The following RORA variants were observed in gnomAD, a reference collection of about 807,000 sequenced individuals.
The protein encoded by RORA is RAR related orphan receptor A.
A neutral mutation model predicts 69.5 loss-of-function variants in RORA; 7 were observed. The observed-to-expected ratio is 0.10, with a 90% CI of 0.06 to 0.19. The LOEUF is 0.19. RORA is among the 10% of genes least tolerant of loss of function. The probability of loss-of-function intolerance (pLI) is 1.00; values close to 1 mark genes in which losing one functional copy is unlikely to be tolerated. For synonymous variants in RORA, 261 were observed against 240.8 expected, an observed-to-expected ratio of 1.08 and a Z score of -0.78; for missense variants, 457 against 663.0, an observed-to-expected ratio of 0.69 and a Z score of 3.41.
At chr15:60,885,239 C>G (rs2073738146) in intron 1 of RORA, among the ~76,000 whole-genome samples, 1 of 152,180 alleles carries the variant, frequency 6.6e-6, no homozygotes, top group Non-Finnish European at 1.5e-5. Flanking sequence ...ATCATGTTCT[C>G]TTGTAGCCCT....
chr15:61,206,456 C>A (rs2079942435), intron 1 of RORA, among the ~76,000 whole-genome samples: 1 of 152,168 alleles, frequency 6.6e-6, no homozygotes, highest in Non-Finnish European at 1.5e-5. Context: ...CGTGGACAAC[C>A]CCACGACATC....
intron 1 of RORA, among the ~76,000 whole-genome samples, chr15:60,984,594 TGTAA>T (rs916919078): frequency 1.3e-5 from 2 of 152,148 alleles, no homozygotes; most frequent in African/African-American, 4.8e-5. Flanking sequence ...AGGCACTGTC[TGTAA>T]TAACCAGTGC....
chr15:61,090,061 A>C (rs2078683078), intron 1 of RORA, among the ~76,000 whole-genome samples: 1 of 152,250 alleles, frequency 6.6e-6, no homozygotes, highest in African/African-American at 2.4e-5. Context: ...TTTGCCCAGA[A>C]GACTTTTCCT....
rs1350044471 is a variant in RORA at position 60,581,511 on chromosome 15, G to C, written c.197-49660C>G. Among the ~76,000 whole-genome samples, 4 of 152,328 alleles carry C rather than the reference G, an allele frequency of 2.6e-5. No individual in the cohort carries two copies. In the East Asian group the frequency reaches 7.7e-4, roughly 29 times the overall value. ...TTGTGTCTAGGGCAAACGTGGCTGTGAATGCAATGGAGGTACAATTTCTTA... is the reference window on the plus strand; with the variant it reads ...TTGTGTCTAGGGCAAACGTGGCTGTCAATGCAATGGAGGTACAATTTCTTA... On this transcript the variant is annotated intron_variant, in intron 2 of 10. Coordinates refer to ENST00000335670, the MANE Select transcript of RORA (RefSeq NM_134261.3).
At chr15:60,840,531 G>A (rs2073182197) in intron 1 of RORA, among the ~76,000 whole-genome samples, 1 of 152,258 alleles carries the variant, frequency 6.6e-6, no homozygotes, top group African/African-American at 2.4e-5. Flanking sequence ...GCTTGGCTCT[G>A]GGAAAGATGG....
intron 1 of RORA, among the ~76,000 whole-genome samples, chr15:61,202,697 T>C (rs1474854705): frequency 6.6e-6 from 1 of 151,970 alleles, no homozygotes; most frequent in East Asian, 1.9e-4. Context: ...TAAGAAAGAC[T>C]AGAAAAACTC....
chr15:60,505,848 C>G (rs57235653), intron 5 of RORA, among the ~76,000 whole-genome samples: 8,133 of 152,164 alleles, frequency 0.053, 749 homozygotes, highest in African/African-American at 0.19. Flanking sequence ...ATAAGACCTG[C>G]TGACTTCAAA....
At chr15:60,799,325 G>T (rs1335209066) in intron 1 of RORA, among the ~76,000 whole-genome samples, 1 of 152,168 alleles carries the variant, frequency 6.6e-6, no homozygotes, top group African/African-American at 2.4e-5. Context: ...AGACTGATGA[G>T]GAATTCACTT....
intron 1 of RORA, among the ~76,000 whole-genome samples, chr15:60,802,651 G>C (rs145156067): frequency 5.1e-4 from 77 of 152,222 alleles, no homozygotes; most frequent in African/African-American, 1.7e-3. Flanking sequence ...TGCATGTCAC[G>C]AGCCTGGTGG....
At chr15:61,085,875 C>T (rs148892557) in intron 1 of RORA, among the ~76,000 whole-genome samples, 138 of 152,250 alleles carry the variant, frequency 9.1e-4, no homozygotes, top group African/African-American at 3.2e-3. Flanking sequence ...AGTTGCTACC[C>T]CTGGGAGGCC....
intron 1 of RORA, among the ~76,000 whole-genome samples, chr15:60,804,357 T>C (rs137899662): frequency 1.4e-3 from 218 of 150,658 alleles, no homozygotes; most frequent in African/African-American, 4.6e-3. Context: ...TGTTATGTCA[T>C]AGTTCTTTAA....
chr15:60,563,900 T>C (rs1314139402), intron 2 of RORA, among the ~76,000 whole-genome samples: 3 of 152,188 alleles, frequency 2.0e-5, no homozygotes, highest in Non-Finnish European at 4.4e-5. Flanking sequence ...CCAGCAGACA[T>C]GGCATTCAGT....
chr15:60,911,943 C>G (rs1891735672), intron 1 of RORA, among the ~76,000 whole-genome samples: 1 of 151,508 alleles, frequency 6.6e-6, no homozygotes, highest in East Asian at 2.0e-4. Flanking sequence ...CTCCTGACCT[C>G]AAGTGATCTG....
At chr15:60,697,806 T>C (rs1278063504) in intron 1 of RORA, among the ~76,000 whole-genome samples, 1 of 152,194 alleles carries the variant, frequency 6.6e-6, no homozygotes, top group Non-Finnish European at 1.5e-5. Context: ...AATAAATTTA[T>C]AGGGTGCCTA....
chr15:60,962,749 G>T (rs1038488528), intron 1 of RORA, among the ~76,000 whole-genome samples: 1 of 152,202 alleles, frequency 6.6e-6, no homozygotes, highest in African/African-American at 2.4e-5. Context: ...GTAACACTCT[G>T]TTGAGAGTGG....
intron 1 of RORA, among the ~76,000 whole-genome samples, chr15:60,961,843 T>C (rs1893424006): frequency 6.6e-6 from 1 of 152,246 alleles, no homozygotes; most frequent in South Asian, 2.1e-4. Flanking sequence ...ATCAGGTTTA[T>C]GGTTCCTGGG....
At chr15:60,610,149 G>C (rs573902092) in intron 2 of RORA, among the ~76,000 whole-genome samples, 9 of 151,520 alleles carry the variant, frequency 5.9e-5, no homozygotes, top group African/African-American at 2.2e-4. Flanking sequence ...AAGAGCTCAC[G>C]TGGCAATGTC....
intron 1 of RORA, among the ~76,000 whole-genome samples, chr15:61,215,172 C>T (rs543570396): frequency 1.1e-3 from 172 of 151,452 alleles, no homozygotes; most frequent in Admixed American, 1.4e-3. Context: ...TGTGAGCCAC[C>T]GCGCCTGGCC....
chr15:60,696,722 G>A lies in RORA; in HGVS notation c.167-18036C>T, dbSNP rs139688561. ...TTGCTGCCTTTGACCCACTCACCGTGAAACACTTGCGGAGCCAAAATTCTA... is the reference window on the plus strand; with the variant it reads ...TTGCTGCCTTTGACCCACTCACCGTAAAACACTTGCGGAGCCAAAATTCTA... On this transcript the variant is annotated intron_variant, in intron 1 of 10. Transcript: ENST00000335670. Among the ~76,000 whole-genome samples, 5 of 152,262 alleles carry A rather than the reference G, an allele frequency of 3.3e-5. No homozygotes were observed. The East Asian group carries it at 9.6e-4, about 29-fold the overall frequency.
Sources: allele counts gnomAD v4.1 joint callset (sites outside exome capture counted in the v4.1 genomes callset), GRCh38; gene constraint gnomAD v4.1.1; transcripts MANE v1.5; gene names NCBI Gene and HGNC (gene_info 2026-07-23, HGNC 2026-07-21).